CD8B2: variants seen among roughly 807,000 people sequenced by gnomAD.
CD8B2 encodes the protein CD8B family member 2, also known as T-cell surface glycoprotein CD8 beta-2 chain.
In CD8B2, 11 loss-of-function variants were observed where a neutral mutation model predicts 23.7. The observed-to-expected ratio is 0.46, with a 90% confidence interval of 0.29 to 0.77. The LOEUF is 0.77. Among genes scored for constraint, CD8B2 ranks in the 30% least tolerant of loss-of-function variants. The pLI is 0.09. For missense variants in CD8B2, 197 were observed against 270.5 expected, an observed-to-expected ratio of 0.73 and a Z score of 1.91; for synonymous variants, 90 against 109.3, an observed-to-expected ratio of 0.82 and a Z score of 1.10.
rs1679619991 is a variant in CD8B2, at chr2:106,510,926, A to C, written c.*3986A>C. ...GGCCTCCGGGTATATTTGTTTGTAT[A>C]TGTACAGGAAAAGGTCTGTAAGGAT... On this transcript the variant is annotated 3_prime_UTR_variant, in exon 6 of 6. Coordinates refer to ENST00000643224, the MANE Select transcript of CD8B2 (RefSeq NM_001349727.2). 1 of 152,190 alleles carries C rather than the reference A, an allele frequency of 6.6e-6. No individual in the cohort carries two copies. Among genetic ancestry groups the C allele is most frequent in the South Asian group, 2.1e-4 (1 of 4,834 alleles). The allele number at this position is 152,190 out of a possible 1,614,324, so 9.4% of individuals were successfully genotyped here.
rs1679184353 is a variant in CD8B2 at position 106,491,008 on chromosome 2, G to A, written c.178G>A (p.Ala60Thr). The A allele has an allele frequency of 1.2e-6, 2 of 1,613,982 alleles. No individual in the cohort carries two copies. Among genetic ancestry groups the A allele is most frequent in the Non-Finnish European group, 1.7e-6 (2 of 1,179,864 alleles). Residue 60 changes from alanine (A) to threonine (T), a missense_variant, in exon 2 of 6, where the codon GCC becomes ACC. This residue lies in a region of CD8B2 where 140 missense variants were observed against 164.2 expected (regional missense o/e 0.85). Coordinates refer to ENST00000643224, the MANE Select transcript of CD8B2 (RefSeq NM_001349727.2). ...MCIYWLRQRQ[A>T]PSSDSHHEFL... ...CATCTACTGGCTGAGACAGCGCCAGGCCCCGAGCAGTGATAGTCACCACGA... is the reference window on the plus strand; with the variant it reads ...CATCTACTGGCTGAGACAGCGCCAGACCCCGAGCAGTGATAGTCACCACGA...
intron 5 of CD8B2, among the ~76,000 whole-genome samples, chr2:106,529,052 T>G (rs992532630): frequency 6.6e-6 from 1 of 152,218 alleles, no homozygotes; most frequent in Non-Finnish European, 1.5e-5. Flanking sequence ...TGCAGCTTCT[T>G]GAGGGCGGCA....
At chr2:106,525,964 C>T (rs113245809) in intron 5 of CD8B2, among the ~76,000 whole-genome samples, 1,768 of 152,234 alleles carry the variant, frequency 0.012, 24 homozygotes, top group African/African-American at 0.038. Context: ...TTACTTGGCC[C>T]GGCGTGGTGG....
chr2:106,530,606 C>G (rs968721628), intron 5 of CD8B2, among the ~76,000 whole-genome samples: 1 of 152,106 alleles, frequency 6.6e-6, no homozygotes, highest in South Asian at 2.1e-4. Flanking sequence ...GTCTTGATCT[C>G]CTGACCTCGT....
intron 5 of CD8B2, among the ~76,000 whole-genome samples, chr2:106,527,708 G>A (rs1463816334): frequency 6.6e-6 from 1 of 152,178 alleles, no homozygotes; most frequent in Admixed American, 6.5e-5. Context: ...GCTTGAACCA[G>A]GGAGGTGGAG....
intron 1 of CD8B2, 148 bp from the exon 2 acceptor site, chr2:106,490,726 A>C (rs1679177951): frequency 6.9e-7 from 1 of 1,439,002 alleles, no homozygotes; most frequent in African/African-American, 1.4e-5. Context: ...TCCAGGAGCC[A>C]ACAGCTGTGC....
intron 5 of CD8B2, among the ~76,000 whole-genome samples, chr2:106,528,928 C>T (rs956477369): frequency 6.6e-6 from 1 of 152,190 alleles, no homozygotes; most frequent in Non-Finnish European, 1.5e-5. Flanking sequence ...AAACCTGCAG[C>T]TGTAGGTGTA....
downstream of CD8B2, among the ~76,000 whole-genome samples, chr2:106,512,405 T>C (rs1420075733): frequency 3.3e-5 from 5 of 151,824 alleles, no homozygotes; most frequent in Non-Finnish European, 5.9e-5. Context: ...TGTAGACCAT[T>C]TCCACTCCTG....
intron 5 of CD8B2, among the ~76,000 whole-genome samples, chr2:106,542,007 A>G (rs1363386575): frequency 6.6e-6 from 1 of 152,078 alleles, no homozygotes; most frequent in African/African-American, 2.4e-5. Context: ...CTCAGCCTTC[A>G]CTCTACCTCC....
chr2:106,498,191 A>G (rs1679335084), intron 3 of CD8B2, among the ~76,000 whole-genome samples: 1 of 149,730 alleles, frequency 6.7e-6, no homozygotes, highest in Non-Finnish European at 1.5e-5. Flanking sequence ...TCTGTTGCCC[A>G]GGCTGGAGTG....
intron 4 of CD8B2, among the ~76,000 whole-genome samples, chr2:106,503,405 T>G (rs1310968570): frequency 6.6e-6 from 1 of 152,092 alleles, no homozygotes; most frequent in Non-Finnish European, 1.5e-5. Context: ...AGCATACTTT[T>G]GCCTACAATT....
chr2:106,520,525 G>A (rs111646604), intron 5 of CD8B2, among the ~76,000 whole-genome samples: 29 of 152,286 alleles, frequency 1.9e-4, no homozygotes, highest in African/African-American at 6.3e-4. Context: ...TGTTGTCTGC[G>A]ATAATATCCG....
At position 106,497,956 on chromosome 2, in the gene CD8B2, C is replaced by G. The variant is rs543831015; in HGVS notation, c.493+1694C>G. On this transcript the variant is annotated intron_variant, in intron 3 of 5. Transcript: ENST00000643224. Reference sequence around the variant, plus strand: ...GGGAAGACCCCAAGTTGTATGGCACCCCAACCCCAGTGATAGAAAGAAACA... The same window carrying G: ...GGGAAGACCCCAAGTTGTATGGCACGCCAACCCCAGTGATAGAAAGAAACA... Among the ~76,000 whole-genome samples, 5 of 152,118 alleles carry G rather than the reference C, an allele frequency of 3.3e-5. No individual in the cohort carries two copies. In the South Asian group the frequency reaches 1.0e-3, roughly 32 times the overall value.
intron 5 of CD8B2, among the ~76,000 whole-genome samples, chr2:106,530,144 T>C (rs1358917257): frequency 1.3e-5 from 2 of 152,122 alleles, no homozygotes; most frequent in Admixed American, 6.5e-5. Context: ...TCCCTTCCTA[T>C]TGTATAAAGT....
intron 2 of CD8B2, among the ~76,000 whole-genome samples, chr2:106,492,441 A>T (rs1363463074): frequency 6.6e-6 from 1 of 152,204 alleles, no homozygotes; most frequent in Non-Finnish European, 1.5e-5. Flanking sequence ...AATATTTTAC[A>T]TTCATTTTTC....
At chr2:106,495,784 A>G (rs191866069) in intron 2 of CD8B2, among the ~76,000 whole-genome samples, 129 of 152,170 alleles carry the variant, frequency 8.5e-4, no homozygotes, top group African/African-American at 2.8e-3. Flanking sequence ...GATGTAAGAC[A>G]AATTTTGTTC....
intron 5 of CD8B2, among the ~76,000 whole-genome samples, chr2:106,517,802 T>G (rs1238540874): frequency 6.6e-6 from 1 of 151,902 alleles, no homozygotes; most frequent in Non-Finnish European, 1.5e-5. Context: ...AAGCTCCGCC[T>G]CCCGGGTTCA....
downstream of CD8B2, among the ~76,000 whole-genome samples, chr2:106,515,235 C>T (rs1433080009): frequency 6.6e-6 from 1 of 152,218 alleles, no homozygotes; most frequent in East Asian, 1.9e-4. Context: ...TGGAGGCTGT[C>T]CTTGTGTAGC....
intron 3 of CD8B2, among the ~76,000 whole-genome samples, chr2:106,499,496 C>T (rs568068014): frequency 6.9e-6 from 1 of 144,612 alleles, no homozygotes; most frequent in African/African-American, 2.6e-5. Flanking sequence ...CACGCCATTG[C>T]ACTTCAGCCT....
Sources: allele counts gnomAD v4.1 joint callset (sites outside exome capture counted in the v4.1 genomes callset), GRCh38; gene constraint gnomAD v4.1.1; regional missense constraint gnomAD v4.1.1; transcripts MANE v1.5; gene names NCBI Gene and HGNC (gene_info 2026-07-23, HGNC 2026-07-21).